The following IL1RAPL1 variants were observed in gnomAD, a reference collection of about 807,000 sequenced individuals.
IL1RAPL1 encodes interleukin 1 receptor accessory protein like 1, also known as interleukin-1 receptor accessory protein-like 1.
IL1RAPL1 carries 3 observed loss-of-function variants against 48.4 expected under a neutral mutation model. That is an observed-to-expected ratio of 0.06 (90% CI 0.03 to 0.16). The LOEUF (loss-of-function observed/expected upper bound fraction) is 0.16, where lower values mean the gene tolerates loss of function less well. Among genes scored for constraint, IL1RAPL1 ranks in the 10% least tolerant of loss-of-function variants. IL1RAPL1 has a pLI of 1.00. For missense variants in IL1RAPL1, 349 were observed against 530.6 expected (o/e 0.66, Z 3.36); for synonymous variants, 185 against 187.7 (o/e 0.99, Z 0.12).
chrX:29,916,894 T>G lies in IL1RAPL1; in HGVS notation c.779-570T>G, dbSNP rs918782129. ...AATATTTATTGTCACGATTTTTGTT[T>G]TTTAATGTGTTTTTCTACCTATGTG... is the stretch of plus-strand genomic sequence containing the variant. On this transcript the variant is annotated intron_variant, in intron 6 of 10. Transcript: ENST00000378993. Among the ~76,000 whole-genome samples the G allele has an allele frequency of 7.1e-5, 8 of 112,318 alleles. No individual in the cohort carries two copies. The Admixed American group carries it at 7.6e-4, about 11-fold the overall frequency.
At chrX:28,714,515 C>T (rs887363891) in intron 1 of IL1RAPL1, among the ~76,000 whole-genome samples, 3 of 111,707 alleles carry the variant, frequency 2.7e-5, no homozygotes, top group Non-Finnish European at 5.6e-5. Flanking sequence ...ATCATAATTT[C>T]CTTTTAAAAG....
intron 2 of IL1RAPL1, among the ~76,000 whole-genome samples, chrX:29,255,986 G>A (rs5985982): frequency 0.045 from 5,050 of 111,392 alleles, 286 homozygotes; most frequent in African/African-American, 0.16. Flanking sequence ...TAATGAGATT[G>A]CTGGGTTGAA....
intron 5 of IL1RAPL1, among the ~76,000 whole-genome samples, chrX:29,587,497 C>G (rs1347361654): frequency 9.0e-6 from 1 of 110,848 alleles, no homozygotes; most frequent in Non-Finnish European, 1.9e-5. Flanking sequence ...TAACAATATT[C>G]TTGAAAATTG....
chrX:29,830,910 A>G (rs754335379), intron 6 of IL1RAPL1, among the ~76,000 whole-genome samples: 6 of 111,659 alleles, frequency 5.4e-5, no homozygotes, highest in Non-Finnish European at 1.1e-4. Context: ...CAAGGCTAGA[A>G]AAATTGGCTT....
intron 5 of IL1RAPL1, among the ~76,000 whole-genome samples, chrX:29,463,213 A>T (rs1934822888): frequency 9.0e-6 from 1 of 111,450 alleles, no homozygotes; most frequent in South Asian, 3.7e-4. Flanking sequence ...AAAAACCCAC[A>T]TTATGAATCC....
At chrX:29,886,331 T>C (rs1440970249) in intron 6 of IL1RAPL1, among the ~76,000 whole-genome samples, 1 of 112,491 alleles carries the variant, frequency 8.9e-6, no homozygotes, top group East Asian at 2.8e-4. Context: ...AAGCAATAAC[T>C]TATTCCTTTT....
intron 6 of IL1RAPL1, among the ~76,000 whole-genome samples, chrX:29,795,462 G>A (rs1431091413): frequency 1.8e-5 from 2 of 112,377 alleles, no homozygotes; most frequent in Non-Finnish European, 3.8e-5. Flanking sequence ...CCAGGCTGGA[G>A]TGTAGTGGCA....
intron 2 of IL1RAPL1, among the ~76,000 whole-genome samples, chrX:29,034,651 A>C (rs1057341741): frequency 6.3e-5 from 7 of 111,376 alleles, no homozygotes; most frequent in African/African-American, 2.3e-4. Context: ...TTTACAAAAT[A>C]AGTTAGGAAT....
At chrX:28,613,210 A>G (rs748329217) in intron 1 of IL1RAPL1, among the ~76,000 whole-genome samples, 2 of 112,561 alleles carry the variant, frequency 1.8e-5, no homozygotes, top group African/African-American at 6.5e-5. Context: ...TTAAACTAAA[A>G]ATCTTCTGTT....
chrX:29,345,002 G>A (rs867361303), intron 3 of IL1RAPL1, among the ~76,000 whole-genome samples: 2 of 112,699 alleles, frequency 1.8e-5, no homozygotes, highest in Admixed American at 9.4e-5. Flanking sequence ...GGATTGTTTC[G>A]TAGATCATCT....
At chrX:29,874,072 G>C (rs1400833165) in intron 6 of IL1RAPL1, among the ~76,000 whole-genome samples, 1 of 112,043 alleles carries the variant, frequency 8.9e-6, no homozygotes, top group Non-Finnish European at 1.9e-5. Context: ...CATCTCTCAT[G>C]TCTTGGGTTC....
At chrX:29,169,543 C>A (rs1216861188) in intron 2 of IL1RAPL1, among the ~76,000 whole-genome samples, 3 of 110,658 alleles carry the variant, frequency 2.7e-5, no homozygotes, top group African/African-American at 9.8e-5. Context: ...ATATAAAAAT[C>A]TTCAGTGACT....
chrX:29,124,616 A>G (rs1436360922), intron 2 of IL1RAPL1, among the ~76,000 whole-genome samples: 1 of 112,203 alleles, frequency 8.9e-6, no homozygotes, highest in Non-Finnish European at 1.9e-5. Context: ...AAGTGGACCA[A>G]CGAATTGGCA....
At chrX:28,805,657 CA>C (rs1358424443) in intron 2 of IL1RAPL1, among the ~76,000 whole-genome samples, 2 of 110,914 alleles carry the variant, frequency 1.8e-5, no homozygotes, top group South Asian at 3.7e-4. Context: ...TGTATCCACT[CA>C]AATATACACA....
At chrX:28,763,783 T>G (rs1399229818) in intron 1 of IL1RAPL1, among the ~76,000 whole-genome samples, 1 of 110,843 alleles carries the variant, frequency 9.0e-6, no homozygotes, top group Non-Finnish European at 1.9e-5. Flanking sequence ...TAGATTTTCT[T>G]TTTTTGTATG....
Position 29,657,828 on chromosome X carries a change from T to TG in IL1RAPL1, c.704-10602_704-10601insG, listed in dbSNP as rs1353087779. On this transcript the variant is annotated intron_variant, in intron 5 of 10. Coordinates refer to ENST00000378993, the MANE Select transcript of IL1RAPL1 (RefSeq NM_014271.4). ...CCTAGAAGATAATTAGTGACTGTTT[T>TG]TTTTTTTTTTTTTTGGTTTTTTGCC... is the stretch of plus-strand genomic sequence containing the variant. Among the ~76,000 whole-genome samples the TG allele has an allele frequency of 1.6e-3, 162 of 103,603 alleles. 1 individual carries two copies. The highest frequency in any genetic ancestry group is 4.8e-3 in the African/African-American group (121 of 25,414). 90.0% of individuals were successfully genotyped at this position (103,603 alleles called of 115,157 possible). A position where few individuals can be genotyped will look rare whatever the true frequency, so the allele number is the denominator to read the frequency against.
intron 6 of IL1RAPL1, among the ~76,000 whole-genome samples, chrX:29,831,661 A>G (rs146952743): frequency 0.025 from 2,774 of 111,618 alleles, 90 homozygotes; most frequent in African/African-American, 0.085. Flanking sequence ...ATGTTACAGG[A>G]AAGTTTAGCT....
chrX:29,609,643 C>T (rs895557842), intron 5 of IL1RAPL1, among the ~76,000 whole-genome samples: 7 of 112,135 alleles, frequency 6.2e-5, no homozygotes, highest in African/African-American at 1.3e-4. Context: ...TAAGGTTTCA[C>T]GAGTCTTAAA....
intron 2 of IL1RAPL1, among the ~76,000 whole-genome samples, chrX:29,075,788 A>G (rs1927657440): frequency 9.0e-6 from 1 of 111,551 alleles, no homozygotes; most frequent in African/African-American, 3.2e-5. Flanking sequence ...AAAAATAAAT[A>G]TGCTTATCTT....
Sources: allele counts gnomAD v4.1 joint callset (sites outside exome capture counted in the v4.1 genomes callset), GRCh38; gene constraint gnomAD v4.1.1; transcripts MANE v1.5; gene names NCBI Gene and HGNC (gene_info 2026-07-23, HGNC 2026-07-21).